Variants in COL4A2 observed in about 807,000 individuals in gnomAD.
COL4A2 encodes collagen type IV alpha 2 chain.
COL4A2 carries 99 observed loss-of-function variants against 200.2 expected under a neutral mutation model. The ratio of observed to expected loss-of-function variants is 0.49; its 90% CI spans 0.42 to 0.58. The LOEUF is 0.58. COL4A2 is among the 20% of genes least tolerant of loss of function. The probability of loss-of-function intolerance (pLI) is 0.00; values close to 1 mark genes in which losing one functional copy is unlikely to be tolerated. For missense variants in COL4A2, 1,950 were observed against 2,314.1 expected, an observed-to-expected ratio of 0.84 and a Z score of 3.23; for synonymous variants, 897 against 900.6, an observed-to-expected ratio of 1.00 and a Z score of 0.07.
chr13:110,392,437 A>G (rs956172320), intron 4 of COL4A2, among the ~76,000 whole-genome samples: 1 of 152,208 alleles, frequency 6.6e-6, no homozygotes, highest in Non-Finnish European at 1.5e-5. Context: ...TGCAGGAACC[A>G]GGAGCTGGGA....
intron 4 of COL4A2, among the ~76,000 whole-genome samples, chr13:110,372,296 T>C (rs1878047237): frequency 6.6e-6 from 1 of 152,148 alleles, no homozygotes; most frequent in African/African-American, 2.4e-5. Flanking sequence ...ACAGACTTTT[T>C]TGTTTAAGAA....
chr13:110,498,206 G>C (rs1883526678), intron 40 of COL4A2, among the ~76,000 whole-genome samples: 1 of 152,256 alleles, frequency 6.6e-6, no homozygotes, highest in Non-Finnish European at 1.5e-5. Flanking sequence ...ATGCACTTGT[G>C]AGTATTGGGA....
intron 3 of COL4A2, among the ~76,000 whole-genome samples, chr13:110,338,785 C>T (rs911725255): frequency 4.6e-5 from 7 of 152,218 alleles, no homozygotes; most frequent in East Asian, 1.9e-4. Flanking sequence ...GGCTGCTCTT[C>T]GCCGCCCTCC....
intron 10 of COL4A2, among the ~76,000 whole-genome samples, chr13:110,431,887 G>A (rs756252405): frequency 7.9e-5 from 12 of 152,150 alleles, no homozygotes; most frequent in Non-Finnish European, 1.3e-4. Flanking sequence ...TGGACTTTCC[G>A]CTCTGCAGTG....
intron 3 of COL4A2, among the ~76,000 whole-genome samples, chr13:110,312,825 C>G (rs1381292148): frequency 1.3e-5 from 2 of 152,204 alleles, no homozygotes; most frequent in African/African-American, 2.4e-5. Flanking sequence ...CTGTTGCTAA[C>G]CGGGTTCTGA....
At chr13:110,390,973 C>T (rs1045992129) in intron 4 of COL4A2, among the ~76,000 whole-genome samples, 5 of 152,236 alleles carry the variant, frequency 3.3e-5, no homozygotes, top group African/African-American at 1.2e-4. Flanking sequence ...TCTTTTCAAA[C>T]TGTTTATCCA....
chr13:110,325,589 G>A (rs931404291), intron 3 of COL4A2, among the ~76,000 whole-genome samples: 1 of 152,158 alleles, frequency 6.6e-6, no homozygotes, highest in South Asian at 2.1e-4. Flanking sequence ...ACTTAACTAA[G>A]GCTGCCTGAT....
chr13:110,316,435 G>A (rs888066997), intron 3 of COL4A2, among the ~76,000 whole-genome samples: 4 of 152,242 alleles, frequency 2.6e-5, no homozygotes, highest in East Asian at 3.9e-4. Flanking sequence ...GCATCGCAGC[G>A]ATGCAGGCCC....
rs551678341 is a variant in COL4A2 at position 110,326,923 on chromosome 13, T to A, written c.99+18800T>A. On this transcript the variant is annotated intron_variant, in intron 3 of 47. Coordinates refer to ENST00000360467, the MANE Select transcript of COL4A2 (RefSeq NM_001846.4). ...AGAGCGTGACCACTTTGTGACCTGA[T>A]CAAAGATAGACAATAAGCTTGGCTT... Among the ~76,000 whole-genome samples, 6 of 152,340 alleles carry A rather than the reference T, an allele frequency of 3.9e-5. No homozygotes were observed. In the East Asian group the frequency reaches 7.7e-4, roughly 20 times the overall value.
rs778580736 is a variant in COL4A2 at position 110,484,903 on chromosome 13, A to G, written c.2903-2A>G. On this transcript the variant is annotated splice_acceptor_variant, in intron 32 of 47. Transcript: ENST00000360467. LOFTEE classifies it high-confidence loss of function. ...AAATGACAGCACTCTATTCCCTTCCAGGCAGCCGAGGGGACCCTGGGCCCC... is the reference window on the plus strand; with the variant it reads ...AAATGACAGCACTCTATTCCCTTCCGGGCAGCCGAGGGGACCCTGGGCCCC... 1 of 1,607,906 alleles carries G rather than the reference A, an allele frequency of 6.2e-7. No individual in the cohort carries two copies.
chr13:110,495,899 C>T (rs1388870028), intron 40 of COL4A2, among the ~76,000 whole-genome samples: 1 of 152,192 alleles, frequency 6.6e-6, no homozygotes, highest in Non-Finnish European at 1.5e-5. Flanking sequence ...CCTCCCTGCT[C>T]ACCAGCCAAG....
Position 110,429,713 on chromosome 13 carries a change from C to G in COL4A2, c.478-172C>G, listed in dbSNP as rs1170296162. The stretch of plus-strand genomic sequence containing the variant: ...GGTCAATAGGAAATTAAAGGTCTTA[C>G]CCTTGTTGCTGAATATAGGGTTGGT... On this transcript the variant is annotated intron_variant, in intron 7 of 47. Coordinates refer to ENST00000360467, the MANE Select transcript of COL4A2 (RefSeq NM_001846.4). Among the ~76,000 whole-genome samples, 8 of 152,162 alleles carry G rather than the reference C, an allele frequency of 5.3e-5. No homozygotes were observed. In the East Asian group the frequency reaches 1.5e-3, roughly 29 times the overall value.
chr13:110,320,558 A>T (rs1885249548), intron 3 of COL4A2, among the ~76,000 whole-genome samples: 1 of 152,220 alleles, frequency 6.6e-6, no homozygotes, highest in Non-Finnish European at 1.5e-5. Context: ...TCCTGCCTAG[A>T]AGTTCCAGAA....
chr13:110,482,275 G>T (rs946397448), intron 31 of COL4A2, among the ~76,000 whole-genome samples: 27 of 152,338 alleles, frequency 1.8e-4, no homozygotes, highest in African/African-American at 5.5e-4. Flanking sequence ...CCTGATCTTT[G>T]TGTGTTTCCT....
At chr13:110,491,376 C>G (rs952447407) in intron 37 of COL4A2, 36 bp downstream of exon 37, 1 of 1,414,360 alleles carries the variant, frequency 7.1e-7, no homozygotes, top group Non-Finnish European at 9.8e-7. Flanking sequence ...CTTCCTCAGG[C>G]AGGCCCTCCG....
intron 3 of COL4A2, among the ~76,000 whole-genome samples, chr13:110,314,385 C>T (rs886758830): frequency 6.6e-6 from 1 of 152,212 alleles, no homozygotes; most frequent in African/African-American, 2.4e-5. Flanking sequence ...ATGTGGGCAG[C>T]AAGAGGGAAA....
intron 4 of COL4A2, among the ~76,000 whole-genome samples, chr13:110,402,956 A>T (rs1205195555): frequency 6.6e-6 from 1 of 152,190 alleles, no homozygotes; most frequent in Non-Finnish European, 1.5e-5. Context: ...ACCTGGACCC[A>T]CTGGAGCCAC....
At chr13:110,392,455 G>A (rs979338896) in intron 4 of COL4A2, among the ~76,000 whole-genome samples, 1 of 152,178 alleles carries the variant, frequency 6.6e-6, no homozygotes, top group African/African-American at 2.4e-5. Flanking sequence ...GGACCCTCGA[G>A]GGCAGTGGGA....
intron 4 of COL4A2, among the ~76,000 whole-genome samples, chr13:110,409,841 G>A (rs932526138): frequency 6.6e-6 from 1 of 152,126 alleles, no homozygotes; most frequent in African/African-American, 2.4e-5. Flanking sequence ...TCCAAACCGG[G>A]GAGTCTTGGG....
Sources: gnomAD v4.1 joint callset for allele counts (sites outside exome capture counted in the v4.1 genomes callset) on GRCh38, gnomAD v4.1.1 for gene constraint, MANE v1.5 for transcripts, NCBI Gene and HGNC (gene_info 2026-07-23, HGNC 2026-07-21) for gene names.